The following LINGO1 variants were observed in gnomAD, a reference collection of about 807,000 sequenced individuals.
The protein encoded by LINGO1 is leucine rich repeat and Ig domain containing 1, also known as leucine-rich repeat and immunoglobulin-like domain-containing nogo receptor-interacting protein 1.
Under a neutral mutation model 37.3 loss-of-function variants are expected in LINGO1, and 11 were observed. That is an observed-to-expected ratio of 0.29 (90% CI 0.19 to 0.49). The LOEUF (loss-of-function observed/expected upper bound fraction) is 0.49. Ranked by LOEUF, LINGO1 falls within the 20% of genes least tolerant of loss-of-function variation. The probability of loss-of-function intolerance (pLI) is 0.99; values close to 1 mark genes in which losing one functional copy is unlikely to be tolerated. For synonymous variants in LINGO1, 387 were observed against 403.0 expected, an observed-to-expected ratio of 0.96 and a Z score of 0.48; for missense variants, 585 against 878.2, an observed-to-expected ratio of 0.67 and a Z score of 4.22.
intron 1 of LINGO1, among the ~76,000 whole-genome samples, chr15:77,813,006 G>A (rs2077018368): frequency 6.6e-6 from 1 of 152,186 alleles, no homozygotes; most frequent in Non-Finnish European, 1.5e-5. Flanking sequence ...TGCATGACCC[G>A]GATCAGCCTA....
intron 1 of LINGO1, among the ~76,000 whole-genome samples, chr15:77,816,181 G>A (rs2077046640): frequency 6.6e-6 from 1 of 152,206 alleles, no homozygotes; most frequent in Non-Finnish European, 1.5e-5. Flanking sequence ...AATACTCAGA[G>A]GTATGGGTCC....
At chr15:77,710,987 C>A (rs957000484) in intron 2 of LINGO1, among the ~76,000 whole-genome samples, 2 of 152,222 alleles carry the variant, frequency 1.3e-5, no homozygotes, top group Admixed American at 6.5e-5. Flanking sequence ...GCCCGCACGG[C>A]CTTGCTTTCT....
At chr15:77,758,833 G>A (rs908855172) in intron 1 of LINGO1, among the ~76,000 whole-genome samples, 2 of 151,644 alleles carry the variant, frequency 1.3e-5, no homozygotes, top group Admixed American at 6.6e-5. Flanking sequence ...GCAATGAGAG[G>A]ATCACCATTG....
At chr15:77,639,857 GGA>G (rs1420728536) in intron 3 of LINGO1, among the ~76,000 whole-genome samples, 2 of 152,186 alleles carry the variant, frequency 1.3e-5, no homozygotes, top group Non-Finnish European at 2.9e-5. Flanking sequence ...TCACCTCTAG[GGA>G]GAGAGAAGGG....
intron 1 of LINGO1, among the ~76,000 whole-genome samples, chr15:77,806,635 G>GCAAA: frequency 6.6e-6 from 1 of 152,094 alleles, no homozygotes; most frequent in Non-Finnish European, 1.5e-5. Context: ...AGAGAATGAA[G>GCAAA]CAAACCCGAC....
chr15:77,705,584 C>T (rs755282173), intron 2 of LINGO1, among the ~76,000 whole-genome samples: 1 of 152,220 alleles, frequency 6.6e-6, no homozygotes, highest in Non-Finnish European at 1.5e-5. Flanking sequence ...CTCCCAAGAC[C>T]AAGAAGGTGA....
At chr15:77,797,100 C>T (rs2076880085) in intron 1 of LINGO1, among the ~76,000 whole-genome samples, 1 of 152,176 alleles carries the variant, frequency 6.6e-6, no homozygotes, top group African/African-American at 2.4e-5. Context: ...GTTCTGGTTC[C>T]TTGGCAAGGC....
chr15:77,810,215 CACACACAAACAT>C (rs1216713528), intron 1 of LINGO1, among the ~76,000 whole-genome samples: 5 of 148,834 alleles, frequency 3.4e-5, no homozygotes, highest in Non-Finnish European at 5.9e-5. Flanking sequence ...TAACTAGGCA[CACACACAAACAT>C]ACACACACAC....
chr15:77,799,714 C>T (rs1263390871), intron 1 of LINGO1, among the ~76,000 whole-genome samples: 1 of 152,206 alleles, frequency 6.6e-6, no homozygotes, highest in African/African-American at 2.4e-5. Context: ...CCCTGCTGGC[C>T]ACCATTCTGA....
intron 2 of LINGO1, chr15:77,795,930 G>T (rs982955061): frequency 6.6e-6 from 1 of 152,336 alleles, no homozygotes; most frequent in African/African-American, 2.4e-5. Flanking sequence ...ACCCAGAGTG[G>T]CATCTTACCT....
chr15:77,683,527 C>T (rs761084721), intron 2 of LINGO1, among the ~76,000 whole-genome samples: 1 of 152,084 alleles, frequency 6.6e-6, no homozygotes, highest in Non-Finnish European at 1.5e-5. Context: ...TATTAGGCAA[C>T]GATTAAAAAG....
upstream of LINGO1, among the ~76,000 whole-genome samples, chr15:77,635,632 C>T (rs113016422): frequency 5.8e-4 from 88 of 152,270 alleles, no homozygotes; most frequent in African/African-American, 2.0e-3. Flanking sequence ...GCCTTTGTGC[C>T]TGCTGGACCA....
At chr15:77,712,034 G>C (rs1486441748) in intron 2 of LINGO1, among the ~76,000 whole-genome samples, 1 of 152,146 alleles carries the variant, frequency 6.6e-6, no homozygotes, top group Non-Finnish European at 1.5e-5. Context: ...AGAGGTGGCT[G>C]TGCCTCCCTC....
intron 1 of LINGO1, among the ~76,000 whole-genome samples, chr15:77,804,553 A>G (rs1037732195): frequency 2.6e-5 from 4 of 152,044 alleles, no homozygotes; most frequent in African/African-American, 9.7e-5. Flanking sequence ...TCATTCTCAG[A>G]CTCTTGGCCT....
chr15:77,642,453 G>A (rs114396114), intron 3 of LINGO1, among the ~76,000 whole-genome samples: 110 of 152,364 alleles, frequency 7.2e-4, no homozygotes, highest in African/African-American at 1.3e-3. Flanking sequence ...TCTATGTGAA[G>A]AGCTTGGAAG....
intron 2 of LINGO1, among the ~76,000 whole-genome samples, chr15:77,716,660 C>T (rs1439157795): frequency 6.7e-6 from 1 of 150,358 alleles, no homozygotes; most frequent in Non-Finnish European, 1.5e-5. Flanking sequence ...GTCTCTGTCT[C>T]CCAACTCTCC....
At chr15:77,818,503 C>T (rs556522160) in intron 1 of LINGO1, among the ~76,000 whole-genome samples, 1 of 152,242 alleles carries the variant, frequency 6.6e-6, no homozygotes, top group Non-Finnish European at 1.5e-5. Flanking sequence ...ACCAGGCCGG[C>T]AGACCTGGAG....
At chr15:77,742,441 C>T (rs1351097640) in intron 1 of LINGO1, among the ~76,000 whole-genome samples, 3 of 152,224 alleles carry the variant, frequency 2.0e-5, no homozygotes, top group Non-Finnish European at 2.9e-5. Context: ...GAGCTGGGCA[C>T]CAGTATCCCC....
chr15:77,818,023 C>G (rs1041552172), intron 1 of LINGO1, among the ~76,000 whole-genome samples: 1 of 152,194 alleles, frequency 6.6e-6, no homozygotes, highest in Admixed American at 6.5e-5. Flanking sequence ...AGCATCCAGG[C>G]TGAGATCAAG....
Sources: allele counts gnomAD v4.1 joint callset (sites outside exome capture counted in the v4.1 genomes callset), GRCh38; gene constraint gnomAD v4.1.1; transcripts MANE v1.5; gene names NCBI Gene and HGNC (gene_info 2026-07-23, HGNC 2026-07-21).